Variants in SBNO2 observed in about 807,000 individuals in gnomAD.
SBNO2 encodes the protein protein strawberry notch homolog 2.
In SBNO2, 89 loss-of-function variants were observed where a neutral mutation model predicts 146.3. That is an observed-to-expected ratio of 0.61 (90% confidence interval 0.51 to 0.73). SBNO2 has a LOEUF of 0.73. Among genes scored for constraint, SBNO2 ranks in the 30% least tolerant of loss-of-function variants. The pLI, the probability that SBNO2 is intolerant of heterozygous loss-of-function variation, is 0.00. For synonymous variants in SBNO2, 1,147 were observed against 892.6 expected (o/e 1.29, Z -5.08); for missense variants, 2,092 against 2,003.7 (o/e 1.04, Z -0.84).
Position 1,146,936 on chromosome 19 carries a change from G to A in SBNO2, c.279+373C>T, listed in dbSNP as rs117819524. Among the ~76,000 whole-genome samples the A allele has an allele frequency of 5.8e-3, 879 of 152,278 alleles. 23 individuals carry two copies. The East Asian group carries it at 0.067, about 12-fold the overall frequency. ...TCCGTTTTCAGGTGGCTGCTAAGGG[G>A]TTGGGACTCCAATGTGCAGGGTGTC... On this transcript the variant is annotated intron_variant, in intron 4 of 31. Coordinates refer to ENST00000361757, the MANE Select transcript of SBNO2 (RefSeq NM_014963.3).
At chr19:1,171,340 C>T (rs1280170394) in intron 1 of SBNO2, among the ~76,000 whole-genome samples, 1 of 151,636 alleles carries the variant, frequency 6.6e-6, no homozygotes, top group African/African-American at 2.4e-5. Flanking sequence ...ATACACACAT[C>T]CATACAACAC....
In SBNO2 at chr19:1,157,078, G is replaced by A. The variant is rs1258339158; in HGVS notation, c.-126-2676C>T. Among the ~76,000 whole-genome samples, 3 of 147,376 alleles carry A rather than the reference G, an allele frequency of 2.0e-5. No homozygotes were observed. Among genetic ancestry groups the A allele is most frequent in the Non-Finnish European group, 4.5e-5 (3 of 66,784 alleles). On this transcript the variant is annotated intron_variant, in intron 1 of 31. Coordinates refer to ENST00000361757, the MANE Select transcript of SBNO2 (RefSeq NM_014963.3). This position sits in a 1 kb window ranked among gnomAD's most constrained non-coding sequence, Gnocchi z 6.8. ...GCTGCCCCGATCCCCAGGCCCTCCC[G>A]CAGCCCCCAGCCCCTAGCCCTGCCT...
rs1379103635 is a variant in SBNO2 at position 1,150,752 on chromosome 19, C to CCACCTCTGCCCCTCATT, written c.94-1327_94-1311dup. On this transcript the variant is annotated intron_variant, in intron 2 of 31. Coordinates refer to ENST00000361757, the MANE Select transcript of SBNO2 (RefSeq NM_014963.3). This position sits in a 1 kb window ranked among gnomAD's most constrained non-coding sequence, Gnocchi z 6.2. ...CCTGATGCAATTCCCTGGGGCTCGG[C>CCACCTCTGCCCCTCATT]CACCTCTGCCCCTCATTCACCTCAC... Among the ~76,000 whole-genome samples the CCACCTCTGCCCCTCATT allele has an allele frequency of 6.6e-6, 1 of 152,272 alleles. No homozygotes were observed. Among genetic ancestry groups the CCACCTCTGCCCCTCATT allele is most frequent in the South Asian group, 2.1e-4 (1 of 4,832 alleles).
intron 1 of SBNO2, chr19:1,168,580 T>G (rs1229189186): frequency 6.6e-6 from 1 of 152,216 alleles, no homozygotes; most frequent in East Asian, 1.9e-4. Context: ...TCTCACAGCG[T>G]AGGGAGGCTG....
At chr19:1,153,233 TA>T (rs968553624) in intron 2 of SBNO2, among the ~76,000 whole-genome samples, 8 of 150,282 alleles carry the variant, frequency 5.3e-5, no homozygotes, top group South Asian at 2.1e-4. Context: ...ATTTTTAATT[TA>T]AAAATTTTTT....
In SBNO2 at chr19:1,155,548, G is replaced by A. The variant is rs114469663; in HGVS notation, c.-126-1146C>T. ...CCCTTGCCAGAACGGCCCTTTAGGG[G>A]AAGGGACAGGCCCGCTGGGATCTGG... On this transcript the variant is annotated intron_variant, in intron 1 of 31. Coordinates refer to ENST00000361757, the MANE Select transcript of SBNO2 (RefSeq NM_014963.3). Among the ~76,000 whole-genome samples the A allele has an allele frequency of 5.7e-3, 869 of 152,322 alleles. 13 individuals are homozygous for A. Among genetic ancestry groups the A allele is most frequent in the African/African-American group, 0.02 (827 of 41,570 alleles).
At chr19:1,154,825 C>A (rs556672356) in intron 1 of SBNO2, among the ~76,000 whole-genome samples, 187 of 152,332 alleles carry the variant, frequency 1.2e-3, no homozygotes, top group African/African-American at 4.4e-3. Flanking sequence ...CCAGGGGACA[C>A]TGGACCCAGC....
At chr19:1,159,441 CG>C (rs1263500176) in intron 1 of SBNO2, among the ~76,000 whole-genome samples, 1 of 33,466 alleles carries the variant, frequency 3.0e-5, no homozygotes. Flanking sequence ...CTTGGGGGGA[CG>C]GGGGTAGCAA....
rs2080300138 is a variant in SBNO2 at position 1,157,325 on chromosome 19, C to A, written c.-126-2923G>T. On this transcript the variant is annotated intron_variant, in intron 1 of 31. Coordinates refer to ENST00000361757, the MANE Select transcript of SBNO2 (RefSeq NM_014963.3). The surrounding 1 kb of genome is among the most constrained non-coding windows in gnomAD (Gnocchi z 6.8). ...GCCTGAGAACACCCCAACGCAGCCTCTGCCACGCAGCCCCGGAGACGCTCT... is the reference window on the plus strand; with the variant it reads ...GCCTGAGAACACCCCAACGCAGCCTATGCCACGCAGCCCCGGAGACGCTCT... 6.6e-6 allele frequency among the ~76,000 whole-genome samples: 1 copy of A among 151,204 alleles called. No homozygotes were observed. Among genetic ancestry groups the A allele is most frequent in the Non-Finnish European group, 1.5e-5 (1 of 67,938 alleles).
At chr19:1,154,855 A>G (rs2080274825) in intron 1 of SBNO2, among the ~76,000 whole-genome samples, 1 of 152,170 alleles carries the variant, frequency 6.6e-6, no homozygotes. Context: ...CAGAGGCAGC[A>G]GGGGCTCCAC....
In SBNO2 at chr19:1,123,515, G is replaced by A. The variant is rs1468229930; in HGVS notation, c.628+19C>T. ...GGGTTTGAACCTGTCCCAGGGCTGGGTGCAGCCGGGCCACTCACACTTGGA... is the reference window on the plus strand; with the variant it reads ...GGGTTTGAACCTGTCCCAGGGCTGGATGCAGCCGGGCCACTCACACTTGGA... On this transcript the variant is annotated intron_variant, in intron 7 of 31. Coordinates refer to ENST00000361757, the MANE Select transcript of SBNO2 (RefSeq NM_014963.3). 4.4e-6 allele frequency: 7 copies of A among 1,606,206 alleles called. No homozygotes were observed. The highest frequency in any genetic ancestry group is 6.0e-6 in the Non-Finnish European group (7 of 1,173,664).
intron 4 of SBNO2, among the ~76,000 whole-genome samples, chr19:1,131,430 TGGCTGG>T (rs1196458991): frequency 4.6e-4 from 29 of 63,580 alleles, no homozygotes; most frequent in African/African-American, 2.1e-3. Context: ...TGGGAGGACC[TGGCTGG>T]GAGGACCTGG....
Position 1,109,625 on chromosome 19 carries a change from T to A in SBNO2, c.3124-27A>T. 7.1e-7 allele frequency: 1 copy of A among 1,405,418 alleles called. No individual in the cohort carries two copies. The highest frequency in any genetic ancestry group is 9.6e-7 in the Non-Finnish European group (1 of 1,046,948). The allele number at this position is 1,405,418 out of a possible 1,614,324, so 87.1% of individuals were successfully genotyped here. A position where few individuals can be genotyped will look rare whatever the true frequency, so the allele number is the denominator to read the frequency against. On this transcript the variant is annotated intron_variant, in intron 27 of 31. Transcript: ENST00000361757. This position sits in a 1 kb window ranked among gnomAD's most constrained non-coding sequence, Gnocchi z 4.2. ...TGCCACGGCACGGGGTGGGGGGGTG[T>A]GAGTGTGGTGGGGGCGGGGTGGGCA...
chr19:1,160,907 C>G (rs1229917881), intron 1 of SBNO2, among the ~76,000 whole-genome samples: 1 of 151,482 alleles, frequency 6.6e-6, no homozygotes, highest in Non-Finnish European at 1.5e-5. Context: ...GTGGGCAGCT[C>G]TGCCAGGACC....
At chr19:1,118,975 CG>C in intron 14 of SBNO2, 35 bp downstream of exon 14, 1 of 1,551,472 alleles carries the variant, frequency 6.4e-7, no homozygotes, top group Non-Finnish European at 8.7e-7. Context: ...ACCCGGGAAA[CG>C]CACAGGGGTC....
chr19:1,114,181 G>T, intron 18 of SBNO2, 50 bp downstream of exon 18: 1 of 1,392,014 alleles, frequency 7.2e-7, no homozygotes, highest in Non-Finnish European at 9.4e-7. Context: ...GCTCAGCCTG[G>T]ACTGGAATCC....
chr19:1,119,280 G>A lies in SBNO2; in HGVS notation c.1374-116C>T, dbSNP rs1424410583. 3 of 1,293,036 alleles carry A rather than the reference G, an allele frequency of 2.3e-6. No individual in the cohort carries two copies. The African/African-American group carries it at 4.4e-5, about 19-fold the overall frequency. The allele number at this position is 1,293,036 out of a possible 1,614,324, so 80.1% of individuals were successfully genotyped here. A position where few individuals can be genotyped will look rare whatever the true frequency, so the allele number is the denominator to read the frequency against. On this transcript the variant is annotated intron_variant, in intron 13 of 31. Transcript: ENST00000361757. ...CGGGGTCGGCAGGAGCAGAGCCCTG[G>A]CGGCCACTGAGGCAGTTGGCAGCTG...
chr19:1,115,951 G>T, intron 17 of SBNO2, 70 bp downstream of exon 17: 1 of 1,048,564 alleles, frequency 9.5e-7, no homozygotes, highest in South Asian at 1.3e-5. Context: ...AGCAGGGAGC[G>T]ACCAGCCAGC....
In SBNO2 at chr19:1,156,357, G is replaced by A. The variant is rs181877071; in HGVS notation, c.-126-1955C>T. On this transcript the variant is annotated intron_variant, in intron 1 of 31. Coordinates refer to ENST00000361757, the MANE Select transcript of SBNO2 (RefSeq NM_014963.3). ...CTGGCAGGGTGTGGAGACCTGGACC[G>A]GGAGGGGATGGGGGCAGGAGAACAA... Among the ~76,000 whole-genome samples, 652 of 152,252 alleles carry A rather than the reference G, an allele frequency of 4.3e-3. 2 individuals are homozygous for A. The highest frequency in any genetic ancestry group is 0.015 in the African/African-American group (606 of 41,538).
Sources: gnomAD v4.1 joint callset for allele counts (sites outside exome capture counted in the v4.1 genomes callset) on GRCh38, gnomAD v4.1.1 for gene constraint, Gnocchi (gnomAD v3.1) non-coding constraint, MANE v1.5 for transcripts, NCBI Gene and HGNC (gene_info 2026-07-23, HGNC 2026-07-21) for gene names.